RIMS2: variants seen among roughly 807,000 people sequenced by gnomAD.
The protein encoded by RIMS2 is regulating synaptic membrane exocytosis 2.
In RIMS2, 59 loss-of-function variants were observed where a neutral mutation model predicts 174.4. That is an observed-to-expected ratio of 0.34 (90% CI 0.27 to 0.42). RIMS2 has a LOEUF of 0.42. RIMS2 is among the 10% of genes least tolerant of loss of function. The pLI, the probability that RIMS2 is intolerant of heterozygous loss-of-function variation, is 1.00. For synonymous variants in RIMS2, 606 were observed against 572.5 expected (o/e 1.06, Z -0.84); for missense variants, 1,620 against 1,666.3 (o/e 0.97, Z 0.48).
chr8:104,233,791 G>A (rs1428808340), intron 19 of RIMS2, among the ~76,000 whole-genome samples: 1 of 152,194 alleles, frequency 6.6e-6, no homozygotes, highest in Non-Finnish European at 1.5e-5. Flanking sequence ...TCAGTTTCAA[G>A]TGTGAGTCTC....
At chr8:104,096,152 G>A in intron 19 of RIMS2, among the ~76,000 whole-genome samples, 1 of 151,884 alleles carries the variant, frequency 6.6e-6, no homozygotes, top group Admixed American at 6.6e-5. Flanking sequence ...GCTTTCCAAG[G>A]TGTCCTTGGA....
At chr8:103,645,594 A>G (rs6995288) in intron 1 of RIMS2, among the ~76,000 whole-genome samples, 27,682 of 152,038 alleles carry the variant, frequency 0.18, 2,768 homozygotes, top group African/African-American at 0.26. Context: ...AACTGATCAC[A>G]TAGTCATAAG....
chr8:103,611,902 A>C (rs543668567), intron 1 of RIMS2, among the ~76,000 whole-genome samples: 1 of 151,698 alleles, frequency 6.6e-6, no homozygotes, highest in African/African-American at 2.4e-5. Flanking sequence ...TTTAAGGCCA[A>C]TGATTCTTAG....
At chr8:103,641,506 C>T (rs1205426556) in intron 1 of RIMS2, among the ~76,000 whole-genome samples, 1 of 152,050 alleles carries the variant, frequency 6.6e-6, no homozygotes, top group South Asian at 2.1e-4. Flanking sequence ...TATCAACCAA[C>T]CTCTCTTAAT....
chr8:103,804,315 T>C (rs2098635590), intron 3 of RIMS2, among the ~76,000 whole-genome samples: 1 of 152,126 alleles, frequency 6.6e-6, no homozygotes, highest in African/African-American at 2.4e-5. Flanking sequence ...TGCATATAGG[T>C]TTGACCCTGC....
intron 17 of RIMS2, among the ~76,000 whole-genome samples, chr8:104,010,991 C>T (rs1565832718): frequency 3.9e-5 from 6 of 152,102 alleles, no homozygotes; most frequent in Admixed American, 2.6e-4. Flanking sequence ...TTTTCAGTTG[C>T]TGCTATTCAA....
At chr8:103,732,161 C>A (rs945187141) in intron 2 of RIMS2, among the ~76,000 whole-genome samples, 8 of 152,310 alleles carry the variant, frequency 5.3e-5, no homozygotes, top group African/African-American at 1.9e-4. Flanking sequence ...TAAGGGGGTA[C>A]CCCCAGCCCA....
intron 1 of RIMS2, among the ~76,000 whole-genome samples, chr8:103,635,970 C>T (rs1434101933): frequency 6.6e-6 from 1 of 152,134 alleles, no homozygotes; most frequent in Non-Finnish European, 1.5e-5. Flanking sequence ...GAAACAGGAT[C>T]AGGTACTCCC....
chr8:103,789,273 A>T (rs1222873139), intron 3 of RIMS2, among the ~76,000 whole-genome samples: 2 of 151,910 alleles, frequency 1.3e-5, no homozygotes, highest in East Asian at 3.9e-4. Flanking sequence ...AGCTGTTCCT[A>T]TTCGGCCATC....
At chr8:103,544,062 C>T (rs757023663) in intron 1 of RIMS2, among the ~76,000 whole-genome samples, 2 of 138,566 alleles carry the variant, frequency 1.4e-5, no homozygotes, top group African/African-American at 2.8e-5. Context: ...GCAGACCATA[C>T]ATCTGATAAG....
intron 1 of RIMS2, among the ~76,000 whole-genome samples, chr8:103,549,540 T>A (rs545788342): frequency 1.3e-5 from 2 of 152,242 alleles, no homozygotes; most frequent in East Asian, 3.9e-4. Context: ...AGCCCATCAA[T>A]GCTAGGAAGA....
At chr8:103,773,447 G>A (rs746117322) in intron 3 of RIMS2, among the ~76,000 whole-genome samples, 1 of 152,152 alleles carries the variant, frequency 6.6e-6, no homozygotes, top group Non-Finnish European at 1.5e-5. Context: ...AGACTATCAA[G>A]TGCCGGGCAC....
chr8:104,207,419 C>G (rs1262295553), intron 19 of RIMS2, among the ~76,000 whole-genome samples: 1 of 152,080 alleles, frequency 6.6e-6, no homozygotes, highest in Admixed American at 6.6e-5. Context: ...ATGTCATGGT[C>G]CTGAGGTTCC....
chr8:103,534,044 T>C (rs1221628749), intron 1 of RIMS2, among the ~76,000 whole-genome samples: 1 of 152,218 alleles, frequency 6.6e-6, no homozygotes, highest in African/African-American at 2.4e-5. Context: ...TTCTGAAAAA[T>C]ACACTAAGCC....
At chr8:103,994,319 A>C (rs1166322749) in intron 17 of RIMS2, among the ~76,000 whole-genome samples, 1 of 152,140 alleles carries the variant, frequency 6.6e-6, no homozygotes, top group Non-Finnish European at 1.5e-5. Flanking sequence ...ATCTAGTTTA[A>C]TACTTTGAAT....
At chr8:104,005,692 A>T (rs1212135739) in intron 17 of RIMS2, among the ~76,000 whole-genome samples, 1 of 152,158 alleles carries the variant, frequency 6.6e-6, no homozygotes, top group Admixed American at 6.5e-5. Context: ...AAATTAAAAT[A>T]TTCTAAGTTA....
At chr8:103,700,121 A>C (rs1185721898) in intron 2 of RIMS2, among the ~76,000 whole-genome samples, 5 of 152,080 alleles carry the variant, frequency 3.3e-5, no homozygotes, top group Non-Finnish European at 5.9e-5. Flanking sequence ...CTGTTATCTC[A>C]CTGTTGATTT....
intron 1 of RIMS2, among the ~76,000 whole-genome samples, chr8:103,639,251 T>A (rs929310504): frequency 4.6e-5 from 7 of 151,990 alleles, no homozygotes; most frequent in Admixed American, 3.3e-4. Context: ...CTAGGTTATA[T>A]TGTACCTTTT....
chr8:103,901,468 T>A (rs957796075), intron 4 of RIMS2, among the ~76,000 whole-genome samples: 1 of 152,182 alleles, frequency 6.6e-6, no homozygotes, highest in African/African-American at 2.4e-5. Context: ...ACACTTGGGC[T>A]TGATACTTAG....
Sources: allele counts gnomAD v4.1 joint callset (sites outside exome capture counted in the v4.1 genomes callset), GRCh38; gene constraint gnomAD v4.1.1; transcripts MANE v1.5; gene names NCBI Gene and HGNC (gene_info 2026-07-23, HGNC 2026-07-21).